ADGRV1: variants seen among roughly 807,000 people sequenced by gnomAD.
ADGRV1 encodes the protein adhesion G protein-coupled receptor V1, also known as G-protein coupled receptor 98.
A neutral mutation model predicts 596.2 loss-of-function variants in ADGRV1; 359 were observed. The ratio of observed to expected loss-of-function variants is 0.60; its 90% confidence interval spans 0.55 to 0.66. The LOEUF is 0.66. ADGRV1 is among the 30% of genes least tolerant of loss of function. ADGRV1 has a pLI of 0.00. For synonymous variants in ADGRV1, 2,681 were observed against 2,679.2 expected, an observed-to-expected ratio of 1.00 and a Z score of -0.02; for missense variants, 7,274 against 7,575.6, an observed-to-expected ratio of 0.96 and a Z score of 1.48.
chr5:90,821,880 C>T (rs1763556384), intron 75 of ADGRV1, among the ~76,000 whole-genome samples: 1 of 152,154 alleles, frequency 6.6e-6, no homozygotes, highest in Non-Finnish European at 1.5e-5. Context: ...TTTGTCTGTG[C>T]CCTGCCCCCA....
chr5:90,595,364 C>T lies in ADGRV1; in HGVS notation c.23-19471C>T, dbSNP rs1177570767. Reference sequence around the variant, plus strand: ...CTGACCCCCCCACCTCCCTCCCGGACGGGGCGGCTGGCCGGGTGGGGGGCT... The same window carrying T: ...CTGACCCCCCCACCTCCCTCCCGGATGGGGCGGCTGGCCGGGTGGGGGGCT... On this transcript the variant is annotated intron_variant, in intron 1 of 89. Transcript: ENST00000405460. Among the ~76,000 whole-genome samples the T allele has an allele frequency of 6.4e-3, 275 of 43,282 alleles. 3 individuals are homozygous for T. Among genetic ancestry groups the T allele is most frequent in the Non-Finnish European group, 7.8e-3 (170 of 21,898 alleles). The allele number at this position is 43,282 out of a possible 152,430, so 28.4% of individuals were successfully genotyped here. A position where few individuals can be genotyped will look rare whatever the true frequency, so the allele number is the denominator to read the frequency against.
chr5:90,908,049 C>A (rs1380292945), intron 83 of ADGRV1, among the ~76,000 whole-genome samples: 6 of 152,060 alleles, frequency 3.9e-5, no homozygotes, highest in Admixed American at 2.0e-4. Flanking sequence ...CGGGCTTTCA[C>A]CACGTCTCTC....
intron 15 of ADGRV1, among the ~76,000 whole-genome samples, 183 bp downstream of exon 15, chr5:90,645,052 T>G (rs1269443796): frequency 6.6e-6 from 1 of 152,196 alleles, no homozygotes; most frequent in Non-Finnish European, 1.5e-5. Flanking sequence ...CCTGAAGACA[T>G]GTTGAACTCT....
intron 59 of ADGRV1, among the ~76,000 whole-genome samples, chr5:90,763,848 G>T (rs990449272): frequency 1.3e-5 from 2 of 152,144 alleles, no homozygotes; most frequent in African/African-American, 4.8e-5. Flanking sequence ...TGCTTCAAAG[G>T]ACATGATTTA....
At chr5:90,855,161 T>C (rs975269978) in intron 81 of ADGRV1, among the ~76,000 whole-genome samples, 1 of 152,154 alleles carries the variant, frequency 6.6e-6, no homozygotes, top group African/African-American at 2.4e-5. Context: ...TCAGATACAA[T>C]GTTTGCTAAA....
intron 83 of ADGRV1, among the ~76,000 whole-genome samples, chr5:90,926,418 G>A (rs7726177): frequency 0.7 from 97,908 of 139,030 alleles, 34,466 homozygotes; most frequent in East Asian, 0.99. Flanking sequence ...GTTTATTTGC[G>A]TAGAGGTGTT....
At chr5:91,115,110 T>G (rs1792736086) in intron 87 of ADGRV1, among the ~76,000 whole-genome samples, 1 of 152,204 alleles carries the variant, frequency 6.6e-6, no homozygotes, top group Admixed American at 6.5e-5. Flanking sequence ...TTGAATACTC[T>G]CTGATGCCTT....
At chr5:90,736,971 TTTG>T in intron 50 of ADGRV1, among the ~76,000 whole-genome samples, 1 of 151,816 alleles carries the variant, frequency 6.6e-6, no homozygotes, top group Non-Finnish European at 1.5e-5. Flanking sequence ...ATTTTTGCTC[TTTG>T]TTATTTGCTT....
At chr5:91,039,190 A>C (rs1785140044) in intron 85 of ADGRV1, among the ~76,000 whole-genome samples, 1 of 152,176 alleles carries the variant, frequency 6.6e-6, no homozygotes, top group Non-Finnish European at 1.5e-5. Flanking sequence ...GCATAAGAAA[A>C]TGTGTAGCTC....
chr5:90,801,195 T>G (rs1161393429), intron 70 of ADGRV1, among the ~76,000 whole-genome samples: 3 of 152,062 alleles, frequency 2.0e-5, no homozygotes, highest in African/African-American at 7.2e-5. Flanking sequence ...TCAAATTCAT[T>G]TTTAAATTAA....
intron 70 of ADGRV1, among the ~76,000 whole-genome samples, chr5:90,801,878 C>T (rs1199330694): frequency 6.6e-6 from 1 of 152,118 alleles, no homozygotes; most frequent in Admixed American, 6.5e-5. Context: ...TCCAGATTCC[C>T]CCTATTTTGT....
chr5:90,736,361 G>T (rs1753218758), intron 50 of ADGRV1, among the ~76,000 whole-genome samples: 1 of 151,838 alleles, frequency 6.6e-6, no homozygotes, highest in African/African-American at 2.4e-5. Context: ...TTGCATTGTT[G>T]AATTCAATTT....
Position 90,737,858 on chromosome 5 carries a change from T to A in ADGRV1, c.10550-7188T>A, listed in dbSNP as rs191991099. On this transcript the variant is annotated intron_variant, in intron 50 of 89. Transcript: ENST00000405460. ...CTCTTGTAGGCAGCATATGATTGGA[T>A]CTTATTTTTTTTTAATACATTAAGC... Among the ~76,000 whole-genome samples, 18 of 151,562 alleles carry A rather than the reference T, an allele frequency of 1.2e-4. No individual in the cohort carries two copies. The East Asian group carries it at 3.5e-3, about 29-fold the overall frequency.
chr5:90,835,356 C>CTTGTTTTCTTGAGAAACA (rs1402831383), intron 77 of ADGRV1, among the ~76,000 whole-genome samples: 1 of 152,290 alleles, frequency 6.6e-6, no homozygotes, highest in East Asian at 1.9e-4. Context: ...GATTATCAGG[C>CTTGTTTTCTTGAGAAACA]AGAGACTCTT....
At chr5:91,093,979 G>A (rs1399038487) in intron 86 of ADGRV1, among the ~76,000 whole-genome samples, 2 of 151,560 alleles carry the variant, frequency 1.3e-5, no homozygotes, top group Admixed American at 6.6e-5. Context: ...AGCCTCCCGA[G>A]TAGCTGGGAT....
At chr5:90,922,191 G>A (rs940578504) in intron 83 of ADGRV1, among the ~76,000 whole-genome samples, 2 of 152,040 alleles carry the variant, frequency 1.3e-5, no homozygotes, top group Admixed American at 6.6e-5. Flanking sequence ...TGTCAACATC[G>A]CTTGCTTAAA....
chr5:91,005,616 C>T (rs916573290), intron 85 of ADGRV1, among the ~76,000 whole-genome samples: 2 of 152,068 alleles, frequency 1.3e-5, no homozygotes, highest in Non-Finnish European at 1.5e-5. Context: ...CTTTATTATC[C>T]ACAGTCTTGT....
chr5:90,933,005 G>A (rs977963183), intron 83 of ADGRV1, among the ~76,000 whole-genome samples: 1 of 152,088 alleles, frequency 6.6e-6, no homozygotes, highest in Non-Finnish European at 1.5e-5. Flanking sequence ...TAGTGATCCC[G>A]GAATAATCAC....
chr5:90,667,628 A>G (rs963669938), intron 21 of ADGRV1, among the ~76,000 whole-genome samples: 3,760 of 151,320 alleles, frequency 0.025, 149 homozygotes, highest in African/African-American at 0.088. Flanking sequence ...GTCATTCTCC[A>G]TCCAGCTTTG....
Sources: gnomAD v4.1 joint callset for allele counts (sites outside exome capture counted in the v4.1 genomes callset) on GRCh38, gnomAD v4.1.1 for gene constraint, MANE v1.5 for transcripts, NCBI Gene and HGNC (gene_info 2026-07-23, HGNC 2026-07-21) for gene names.